The following GLIS3 variants were observed in gnomAD, a reference collection of about 807,000 sequenced individuals.
GLIS3 encodes GLIS family zinc finger 3, also known as zinc finger protein GLIS3.
In GLIS3, 53 loss-of-function variants were observed where a neutral mutation model predicts 78.6. The observed-to-expected ratio is 0.67, with a 90% CI of 0.54 to 0.85. The LOEUF is 0.85. Ranked by LOEUF, GLIS3 falls within the 40% of genes least tolerant of loss-of-function variation. GLIS3 has a pLI of 0.00. For synonymous variants in GLIS3, 684 were observed against 509.9 expected, an observed-to-expected ratio of 1.34 and a Z score of -4.60; for missense variants, 1,703 against 1,231.1, an observed-to-expected ratio of 1.38 and a Z score of -5.74.
intron 4 of GLIS3, among the ~76,000 whole-genome samples, chr9:4,092,965 C>T (rs1248198099): frequency 5.9e-5 from 9 of 152,124 alleles, no homozygotes; most frequent in African/African-American, 2.2e-4. Context: ...TAATGAATTG[C>T]TCCATGATGT....
chr9:4,049,910 A>T (rs1402250810), intron 4 of GLIS3, among the ~76,000 whole-genome samples: 3 of 152,006 alleles, frequency 2.0e-5, no homozygotes, highest in Non-Finnish European at 4.4e-5. Flanking sequence ...ACCATCTCAC[A>T]CCAGTTAGAA....
intron 2 of GLIS3, among the ~76,000 whole-genome samples, chr9:4,160,702 A>G (rs781368881): frequency 1.7e-4 from 26 of 152,210 alleles, no homozygotes; most frequent in Admixed American, 8.5e-4. Flanking sequence ...TTTATCCCAG[A>G]TTACAAATAA....
the GLIS3 span, among the ~76,000 whole-genome samples, chr9:4,424,354 C>T: frequency 1.3e-5 from 2 of 152,102 alleles, no homozygotes; most frequent in South Asian, 4.2e-4. Flanking sequence ...ACCTTTTAAG[C>T]CCTCTTGAAG....
rs1297975666 is a variant in GLIS3, at chr9:4,118,621, G to A, written c.857C>T (p.Pro286Leu). ...TESSHSPYPS[P>L]RHSSTRSHSA... ...GTGGGACCTGGTGGATGAGTGCCGA[G>A]GACTAGGGTAAGGAGAGTGGCTACT... Residue 286 changes from proline (P) to leucine (L), a missense_variant, in exon 4 of 11, where the codon CCT becomes CTT. Pro to Leu is a moderately conservative substitution (Grantham distance 98). Transcript: ENST00000381971. This position sits in a 1 kb window ranked among gnomAD's most constrained non-coding sequence, Gnocchi z 4.7. 1 of 1,614,222 alleles carries A rather than the reference G, an allele frequency of 6.2e-7. No individual in the cohort carries two copies. The highest frequency in any genetic ancestry group is 2.2e-5 in the East Asian group (1 of 44,876).
At chr9:4,200,169 G>A (rs1586956337) in intron 2 of GLIS3, among the ~76,000 whole-genome samples, 1 of 152,076 alleles carries the variant, frequency 6.6e-6, no homozygotes, top group Admixed American at 6.6e-5. Context: ...GCTAACAGGA[G>A]TTTTTAGTGC....
intron 8 of GLIS3, among the ~76,000 whole-genome samples, chr9:3,862,525 A>C (rs1820279421): frequency 6.6e-6 from 1 of 152,104 alleles, no homozygotes; most frequent in African/African-American, 2.4e-5. Context: ...GTACACATTT[A>C]TTTCTTTAAC....
At chr9:4,403,151 G>C in the GLIS3 span, among the ~76,000 whole-genome samples, 1 of 152,232 alleles carries the variant, frequency 6.6e-6, no homozygotes, top group Non-Finnish European at 1.5e-5. Flanking sequence ...TATAGGCTAG[G>C]AAAGAATGGC....
intron 2 of GLIS3, among the ~76,000 whole-genome samples, chr9:4,226,978 A>T (rs1439286951): frequency 1.3e-5 from 2 of 152,212 alleles, no homozygotes; most frequent in Admixed American, 6.5e-5. Flanking sequence ...ATAGAGATAA[A>T]TCTGGTGAGA....
intron 4 of GLIS3, among the ~76,000 whole-genome samples, chr9:3,982,145 C>T (rs80140008): frequency 0.025 from 3,790 of 152,110 alleles, 76 homozygotes; most frequent in African/African-American, 0.052. Flanking sequence ...AAGAACATGA[C>T]ATTCTCAAAG....
intron 2 of GLIS3, among the ~76,000 whole-genome samples, chr9:4,246,198 C>T (rs1162390040): frequency 1.3e-5 from 2 of 152,114 alleles, no homozygotes; most frequent in East Asian, 3.8e-4. Flanking sequence ...GTCTCTACCA[C>T]AAATACAAAA....
At chr9:4,162,582 G>A (rs953347855) in intron 2 of GLIS3, among the ~76,000 whole-genome samples, 9 of 152,108 alleles carry the variant, frequency 5.9e-5, no homozygotes, top group African/African-American at 9.7e-5. Context: ...ATCACTGGCC[G>A]GGTGCGGTGG....
chr9:4,234,310 A>G (rs1230738937), intron 2 of GLIS3, among the ~76,000 whole-genome samples: 2 of 151,752 alleles, frequency 1.3e-5, no homozygotes, highest in Non-Finnish European at 2.9e-5. Context: ...GATATGTGCG[A>G]CTCCTCCTTT....
intron 2 of GLIS3, among the ~76,000 whole-genome samples, chr9:4,265,216 G>C (rs1003397466): frequency 6.6e-6 from 1 of 151,242 alleles, no homozygotes; most frequent in Non-Finnish European, 1.5e-5. Flanking sequence ...GCCTTCACAA[G>C]GTCTACATCT....
chr9:4,431,403 T>A, the GLIS3 span, among the ~76,000 whole-genome samples: 1 of 152,204 alleles, frequency 6.6e-6, no homozygotes, highest in African/African-American at 2.4e-5. Context: ...AAAACTTGTT[T>A]CTCACTTCTA....
chr9:4,235,019 C>A (rs1346933296), intron 2 of GLIS3, among the ~76,000 whole-genome samples: 1 of 152,102 alleles, frequency 6.6e-6, no homozygotes, highest in Non-Finnish European at 1.5e-5. Flanking sequence ...GATGAGGGAG[C>A]CAGGCGCGGT....
At chr9:3,876,504 G>A (rs913617998) in intron 8 of GLIS3, among the ~76,000 whole-genome samples, 4 of 149,430 alleles carry the variant, frequency 2.7e-5, no homozygotes, top group African/African-American at 9.9e-5. Context: ...ATTATATTGG[G>A]TTTATGTAGG....
chr9:4,416,253 A>T, the GLIS3 span, among the ~76,000 whole-genome samples: 3,324 of 15,970 alleles, frequency 0.21, 132 homozygotes, highest in African/African-American at 0.3. Flanking sequence ...CACTGTTTTT[A>T]AAAAAAAAAA....
chr9:3,833,883 C>T (rs1017326503), intron 9 of GLIS3, among the ~76,000 whole-genome samples: 1 of 152,154 alleles, frequency 6.6e-6, no homozygotes, highest in Non-Finnish European at 1.5e-5. Context: ...ATCATTCCTC[C>T]TTCTCTCAGT....
intron 4 of GLIS3, among the ~76,000 whole-genome samples, chr9:3,966,178 G>A (rs1817920323): frequency 6.6e-6 from 1 of 152,190 alleles, no homozygotes; most frequent in Non-Finnish European, 1.5e-5. Flanking sequence ...TAAAACACAT[G>A]CCTGGCACAT....
Sources: allele counts gnomAD v4.1 joint callset (sites outside exome capture counted in the v4.1 genomes callset), GRCh38; gene constraint gnomAD v4.1.1; non-coding constraint Gnocchi (gnomAD v3.1); transcripts MANE v1.5; gene names NCBI Gene and HGNC (gene_info 2026-07-23, HGNC 2026-07-21).